PPP1R3A: variants seen among roughly 807,000 people sequenced by gnomAD.
The protein encoded by PPP1R3A is RG1.
In PPP1R3A, 29 loss-of-function variants were observed where a neutral mutation model predicts 41.7. That is an observed-to-expected ratio of 0.70 (90% CI 0.52 to 0.95). The LOEUF (loss-of-function observed/expected upper bound fraction) is 0.95, where lower values mean the gene tolerates loss of function less well. Among genes scored for constraint, PPP1R3A ranks in the 40% least tolerant of loss-of-function variants. The pLI, the probability that PPP1R3A is intolerant of heterozygous loss-of-function variation, is 0.00. For synonymous variants in PPP1R3A, 485 were observed against 453.4 expected (o/e 1.07, Z -0.89); for missense variants, 1,352 against 1,292.4 (o/e 1.05, Z -0.71).
rs1462805086 is a variant in PPP1R3A at position 113,877,014 on chromosome 7, G to A, written c.*709C>T. Reference sequence around the variant, plus strand: ...AGAGAAAAGCATTGCTTAAAGACAGGCCACCCACAGAATTTTTCAGAATTG... The same window carrying A: ...AGAGAAAAGCATTGCTTAAAGACAGACCACCCACAGAATTTTTCAGAATTG... On this transcript the variant is annotated 3_prime_UTR_variant, in exon 4 of 4. Transcript: ENST00000284601. 4.0e-5 allele frequency: 6 copies of A among 151,832 alleles called. No homozygotes were observed. Among genetic ancestry groups the A allele is most frequent in the Admixed American group, 3.9e-4 (6 of 15,198 alleles). 9.4% of individuals were successfully genotyped at this position (151,832 alleles called of 1,614,324 possible).
intron 1 of PPP1R3A, among the ~76,000 whole-genome samples, chr7:113,897,019 A>T (rs1041941995): frequency 1.3e-5 from 2 of 151,890 alleles, no homozygotes; most frequent in Non-Finnish European, 2.9e-5. Context: ...ATGCCATGTT[A>T]TGGAAAATAT....
rs143341058 is a variant in PPP1R3A at position 113,906,066 on chromosome 7, A to G, written c.782+12149T>C. ...ATTTCTTTAGAAGTCATAGAAAAGA[A>G]GAAGGTGTTGAACAATTAGAGTATG... On this transcript the variant is annotated intron_variant, in intron 1 of 3. Coordinates refer to ENST00000284601, the MANE Select transcript of PPP1R3A (RefSeq NM_002711.4). Among the ~76,000 whole-genome samples, 436 of 151,940 alleles carry G rather than the reference A, an allele frequency of 2.9e-3. 2 individuals are homozygous for G. Among genetic ancestry groups the G allele is most frequent in the African/African-American group, 0.01 (416 of 41,528 alleles).
chr7:113,885,489 A>G (rs143566267), intron 1 of PPP1R3A, among the ~76,000 whole-genome samples: 68 of 152,246 alleles, frequency 4.5e-4, no homozygotes, highest in Non-Finnish European at 7.4e-4. Flanking sequence ...TACCCAAGAG[A>G]AACTCTTGCA....
chr7:113,885,267 G>A (rs901426655), intron 1 of PPP1R3A, among the ~76,000 whole-genome samples: 1 of 152,020 alleles, frequency 6.6e-6, no homozygotes, highest in Non-Finnish European at 1.5e-5. Context: ...GGCTAGCCTT[G>A]AACTACTAAG....
intron 1 of PPP1R3A, among the ~76,000 whole-genome samples, chr7:113,907,333 A>G (rs1369066010): frequency 6.6e-6 from 1 of 151,720 alleles, no homozygotes; most frequent in Admixed American, 6.6e-5. Flanking sequence ...TTGAGATTTA[A>G]TATCCTTTAC....
chr7:113,885,081 G>A (rs1039712985), intron 1 of PPP1R3A, among the ~76,000 whole-genome samples: 4 of 152,032 alleles, frequency 2.6e-5, no homozygotes, highest in Admixed American at 6.6e-5. Flanking sequence ...TGGACACAAC[G>A]TTTTGCTCTG....
At chr7:113,917,976 C>T (rs1052197609) in intron 1 of PPP1R3A, among the ~76,000 whole-genome samples, 1 of 152,074 alleles carries the variant, frequency 6.6e-6, no homozygotes, top group African/African-American at 2.4e-5. Context: ...GTAATATACA[C>T]AGTGCACTTC....
At chr7:113,910,629 A>G (rs891506009) in intron 1 of PPP1R3A, among the ~76,000 whole-genome samples, 2 of 152,088 alleles carry the variant, frequency 1.3e-5, no homozygotes, top group African/African-American at 2.4e-5. Context: ...AGGTTGATAG[A>G]CTATATTTTG....
intron 1 of PPP1R3A, among the ~76,000 whole-genome samples, chr7:113,907,167 A>G (rs1797161402): frequency 6.6e-6 from 1 of 151,776 alleles, no homozygotes; most frequent in Admixed American, 6.6e-5. Context: ...TATTATTAAT[A>G]GGATTGTTAA....
chr7:113,910,957 A>C (rs1337361552), intron 1 of PPP1R3A, among the ~76,000 whole-genome samples: 4 of 152,210 alleles, frequency 2.6e-5, no homozygotes, highest in Admixed American at 1.3e-4. Context: ...AAAAGGTGTA[A>C]ATAAAAATCA....
In PPP1R3A at chr7:113,918,432, A is replaced by C. The variant is rs756229033; in HGVS notation, c.565T>G (p.Ser189Ala). ...GGAGGAACCAATACAATCTTAAAGGAGAACTGGTCAGTTTCACCATCACAT... is the reference window on the plus strand; with the variant it reads ...GGAGGAACCAATACAATCTTAAAGGCGAACTGGTCAGTTTCACCATCACAT... ...NSCDGETDQFSFKIVLVPPYQ... is the reference protein window; with the variant it reads ...NSCDGETDQFAFKIVLVPPYQ... The change falls in exon 1 of 4, where the codon TCC becomes GCC. Residue 189 changes from serine to alanine, a missense_variant. Transcript: ENST00000284601. 1.2e-6 allele frequency: 2 copies of C among 1,613,282 alleles called. No homozygotes were observed.
intron 1 of PPP1R3A, among the ~76,000 whole-genome samples, chr7:113,914,233 T>A (rs923725476): frequency 6.6e-6 from 1 of 152,098 alleles, no homozygotes; most frequent in Non-Finnish European, 1.5e-5. Context: ...ACACTAGACA[T>A]CATGACCCTT....
At chr7:113,885,759 A>G (rs1438240661) in intron 1 of PPP1R3A, among the ~76,000 whole-genome samples, 1 of 150,700 alleles carries the variant, frequency 6.6e-6, no homozygotes, top group Admixed American at 6.6e-5. Flanking sequence ...TCTTTTTATT[A>G]AGCTAAAAAC....
chr7:113,916,273 A>T (rs1797341416), intron 1 of PPP1R3A, among the ~76,000 whole-genome samples: 1 of 152,052 alleles, frequency 6.6e-6, no homozygotes, highest in African/African-American at 2.4e-5. Context: ...TTTGTGGTTT[A>T]GTTCTTCTCA....
In PPP1R3A at chr7:113,879,369, G is replaced by T; in HGVS notation, c.1723C>A (p.Arg575=). Residue 575 remains arginine, a synonymous_variant, in exon 4 of 4, where the codon CGG becomes AGG. Coordinates refer to ENST00000284601, the MANE Select transcript of PPP1R3A (RefSeq NM_002711.4). ...LLSEHTAIPT[R]AITADVSHSP... ...TGAGACACATCTGCTGTGATTGCCC[G>T]GGTGGGGATTGCGGTATGTTCGCTC... The T allele has an allele frequency of 1.2e-6, 2 of 1,613,504 alleles. No homozygotes were observed. The highest frequency in any genetic ancestry group is 8.5e-7 in the Non-Finnish European group (1 of 1,179,706).
At chr7:113,885,488 G>T (rs1446371199) in intron 1 of PPP1R3A, among the ~76,000 whole-genome samples, 2 of 152,066 alleles carry the variant, frequency 1.3e-5, no homozygotes, top group East Asian at 1.9e-4. Context: ...ATACCCAAGA[G>T]AAACTCTTGC....
intron 1 of PPP1R3A, among the ~76,000 whole-genome samples, chr7:113,906,770 G>A (rs150276373): frequency 2.6e-5 from 4 of 151,832 alleles, no homozygotes; most frequent in African/African-American, 7.2e-5. Context: ...GTCACATGGG[G>A]ACTAATACTT....
In PPP1R3A at chr7:113,878,417, G is replaced by T. The variant is rs368251787; in HGVS notation, c.2675C>A (p.Thr892Lys). ...AGAATGCACAATGGCATCCGAGTCT[G>T]TTTTCTTTGATAATTCTTGAACCTG... is the stretch of plus-strand genomic sequence containing the variant. ...LRQVQELSKKTDSDAIVHSAF... is the reference protein window; with the variant it reads ...LRQVQELSKKKDSDAIVHSAF... Residue 892 changes from threonine to lysine, a missense_variant, in exon 4 of 4, where the codon ACA becomes AAA. By Grantham distance (78) the Thr-to-Lys change is moderately conservative. Transcript: ENST00000284601. 4.3e-6 allele frequency: 7 copies of T among 1,611,586 alleles called. No individual in the cohort carries two copies. Among genetic ancestry groups the T allele is most frequent in the Non-Finnish European group, 5.9e-6 (7 of 1,179,658 alleles).
At chr7:113,897,130 C>T (rs961851804) in intron 1 of PPP1R3A, among the ~76,000 whole-genome samples, 11 of 151,930 alleles carry the variant, frequency 7.2e-5, no homozygotes, top group African/African-American at 2.7e-4. Context: ...CACAATCTTT[C>T]ATTACTATTT....
Sources: allele counts gnomAD v4.1 joint callset (sites outside exome capture counted in the v4.1 genomes callset), GRCh38; gene constraint gnomAD v4.1.1; transcripts MANE v1.5; gene names NCBI Gene and HGNC (gene_info 2026-07-23, HGNC 2026-07-21).